Variants in SYT1 observed in about 807,000 individuals in gnomAD.
SYT1 encodes the protein synaptotagmin 1.
A neutral mutation model predicts 44.8 loss-of-function variants in SYT1; 8 were observed. That is an observed-to-expected ratio of 0.18 (90% CI 0.10 to 0.32). SYT1 has a LOEUF of 0.32. Among genes scored for constraint, SYT1 ranks in the 10% least tolerant of loss-of-function variants. SYT1 has a pLI of 1.00. For synonymous variants in SYT1, 154 were observed against 188.8 expected, an observed-to-expected ratio of 0.82 and a Z score of 1.51; for missense variants, 286 against 509.3, an observed-to-expected ratio of 0.56 and a Z score of 4.22.
At chr12:79,231,617 C>T (rs901270066) in intron 4 of SYT1, among the ~76,000 whole-genome samples, 14 of 151,802 alleles carry the variant, frequency 9.2e-5, no homozygotes, top group Non-Finnish European at 8.8e-5. Flanking sequence ...GATCTTGGGA[C>T]AATAAACTAT....
At chr12:78,916,227 A>T (rs1876645657) in intron 1 of SYT1, among the ~76,000 whole-genome samples, 1 of 152,048 alleles carries the variant, frequency 6.6e-6, no homozygotes, top group Non-Finnish European at 1.5e-5. Flanking sequence ...CTGAGATAAG[A>T]TTTTCTCTTA....
At chr12:79,003,249 T>A (rs551434404) in intron 2 of SYT1, among the ~76,000 whole-genome samples, 44 of 152,100 alleles carry the variant, frequency 2.9e-4, no homozygotes, top group Non-Finnish European at 5.9e-4. Context: ...TTCTATCACA[T>A]GACATCTCCT....
intron 5 of SYT1, among the ~76,000 whole-genome samples, chr12:79,288,130 C>T (rs1054611524): frequency 2.0e-5 from 3 of 151,762 alleles, no homozygotes; most frequent in Non-Finnish European, 4.4e-5. Flanking sequence ...TTGAAGCAGA[C>T]AAAAGTAGCT....
At chr12:78,973,450 T>C (rs1255676247) in intron 1 of SYT1, among the ~76,000 whole-genome samples, 1 of 152,198 alleles carries the variant, frequency 6.6e-6, no homozygotes, top group South Asian at 2.1e-4. Context: ...TGGAGGCTTC[T>C]CAAGAAATTA....
chr12:79,091,412 A>C (rs1330739585), intron 3 of SYT1, among the ~76,000 whole-genome samples: 1 of 152,026 alleles, frequency 6.6e-6, no homozygotes, highest in Non-Finnish European at 1.5e-5. Flanking sequence ...AGAAAGACAA[A>C]AGTTAATAAT....
At chr12:79,307,483 C>T (rs1375575948) in intron 8 of SYT1, among the ~76,000 whole-genome samples, 1 of 152,128 alleles carries the variant, frequency 6.6e-6, no homozygotes, top group African/African-American at 2.4e-5. Flanking sequence ...CCCCCACGTT[C>T]GGCCACCTGA....
intron 4 of SYT1, among the ~76,000 whole-genome samples, chr12:79,273,325 A>T (rs1296361450): frequency 6.6e-6 from 1 of 151,758 alleles, no homozygotes; most frequent in Non-Finnish European, 1.5e-5. Context: ...TGTTGCCTAG[A>T]TCTTGAACTC....
chr12:78,962,467 A>G (rs1398092771), intron 1 of SYT1, among the ~76,000 whole-genome samples: 1 of 152,036 alleles, frequency 6.6e-6, no homozygotes, highest in African/African-American at 2.4e-5. Context: ...CAGTACTAGA[A>G]AACTATCTCA....
intron 3 of SYT1, among the ~76,000 whole-genome samples, chr12:79,199,849 C>A (rs1873675866): frequency 6.6e-6 from 1 of 151,998 alleles, no homozygotes; most frequent in Non-Finnish European, 1.5e-5. Flanking sequence ...GAGCTCAGAG[C>A]TGATTGATGA....
chr12:79,178,991 T>A (rs1872116848), intron 3 of SYT1, among the ~76,000 whole-genome samples: 1 of 49,892 alleles, frequency 2.0e-5, no homozygotes, highest in East Asian at 5.1e-4. Context: ...GATATATCTA[T>A]ATAGATATAG....
chr12:79,055,801 A>G (rs1874888821), intron 3 of SYT1, among the ~76,000 whole-genome samples: 1 of 152,154 alleles, frequency 6.6e-6, no homozygotes, highest in African/African-American at 2.4e-5. Flanking sequence ...CATCTTAGTA[A>G]TATCAAAGGG....
chr12:79,059,241 A>T (rs934740852), intron 3 of SYT1, among the ~76,000 whole-genome samples: 4 of 152,074 alleles, frequency 2.6e-5, no homozygotes, highest in Non-Finnish European at 5.9e-5. Flanking sequence ...TCTCTCCCAC[A>T]ACAGGTGGGA....
At position 78,966,922 on chromosome 12, in the gene SYT1, C is replaced by T. The variant is rs760597926; in HGVS notation, c.-216-10877C>T. 6.8e-4 allele frequency among the ~76,000 whole-genome samples: 103 copies of T among 152,250 alleles called. 1 individual carries two copies. Among genetic ancestry groups the T allele is most frequent in the Middle Eastern group, 3.4e-3 (1 of 294 alleles). On this transcript the variant is annotated intron_variant, in intron 1 of 10. Transcript: ENST00000261205. The stretch of plus-strand genomic sequence containing the variant: ...TCTCTTTAACTTTTCCAGTATGTTA[C>T]AGTTTTTAACAATCTGTTGTTCAAA...
intron 3 of SYT1, among the ~76,000 whole-genome samples, chr12:79,099,235 C>A (rs1274689129): frequency 6.6e-6 from 1 of 152,068 alleles, no homozygotes; most frequent in Non-Finnish European, 1.5e-5. Flanking sequence ...ATACTCCCTA[C>A]AATTAATTAC....
chr12:79,349,052 AGAAAGGAG>A (rs1247885961), intron 8 of SYT1, among the ~76,000 whole-genome samples: 28 of 138,180 alleles, frequency 2.0e-4, no homozygotes, highest in South Asian at 8.0e-4. Flanking sequence ...AAAGAAAGAA[AGAAAGGAG>A]GGAGGGAGGG....
chr12:79,073,105 T>C (rs1242639076), intron 3 of SYT1, among the ~76,000 whole-genome samples: 7 of 152,118 alleles, frequency 4.6e-5, no homozygotes, highest in Admixed American at 4.6e-4. Flanking sequence ...AACATAATTA[T>C]TCTTTTTTTT....
At chr12:78,927,189 C>T (rs752714911) in intron 1 of SYT1, among the ~76,000 whole-genome samples, 6 of 152,110 alleles carry the variant, frequency 3.9e-5, no homozygotes, top group Non-Finnish European at 7.4e-5. Flanking sequence ...CATCACCACT[C>T]CTCTTTAAGA....
chr12:79,144,564 G>A (rs1285097598), intron 3 of SYT1, among the ~76,000 whole-genome samples: 1 of 152,164 alleles, frequency 6.6e-6, no homozygotes, highest in African/African-American at 2.4e-5. Context: ...AACAAACTGG[G>A]CTAGACAGCA....
intron 3 of SYT1, among the ~76,000 whole-genome samples, chr12:79,180,947 G>T (rs760771841): frequency 1.3e-5 from 2 of 151,976 alleles, no homozygotes; most frequent in Non-Finnish European, 2.9e-5. Context: ...TCATGATAGC[G>T]AGTGAGTTCT....
Sources: allele counts gnomAD v4.1 joint callset (sites outside exome capture counted in the v4.1 genomes callset), GRCh38; gene constraint gnomAD v4.1.1; transcripts MANE v1.5; gene names NCBI Gene and HGNC (gene_info 2026-07-23, HGNC 2026-07-21).